FOLH1: variants seen among roughly 807,000 people sequenced by gnomAD.
FOLH1 encodes folate hydrolase 1.
FOLH1 carries 54 observed loss-of-function variants against 93.9 expected under a neutral mutation model. The ratio of observed to expected loss-of-function variants is 0.57; its 90% confidence interval spans 0.46 to 0.72. The LOEUF (loss-of-function observed/expected upper bound fraction) is 0.72, where lower values mean the gene tolerates loss of function less well. Among genes scored for constraint, FOLH1 ranks in the 30% least tolerant of loss-of-function variants. The probability of loss-of-function intolerance (pLI) is 0.00; values close to 1 mark genes in which losing one functional copy is unlikely to be tolerated. For synonymous variants in FOLH1, 249 were observed against 303.6 expected (o/e 0.82, Z 1.87); for missense variants, 571 against 892.5 (o/e 0.64, Z 4.59).
At chr11:49,160,653 A>C (rs1030409117) in intron 13 of FOLH1, among the ~76,000 whole-genome samples, 1 of 152,098 alleles carries the variant, frequency 6.6e-6, no homozygotes, top group African/African-American at 2.4e-5. Flanking sequence ...TGTGTTTGCC[A>C]GGATGGTCTC....
chr11:49,158,777 T>C (rs1857305312), intron 13 of FOLH1, among the ~76,000 whole-genome samples: 1 of 152,206 alleles, frequency 6.6e-6, no homozygotes, highest in Admixed American at 6.5e-5. Context: ...GGAATGTTTT[T>C]TCCATTTGAA....
At chr11:49,178,212 C>A (rs973135237) in intron 7 of FOLH1, among the ~76,000 whole-genome samples, 3 of 152,148 alleles carry the variant, frequency 2.0e-5, no homozygotes, top group African/African-American at 7.2e-5. Context: ...CAGACACTAC[C>A]TCTTCACCAG....
chr11:49,153,390 T>C (rs589736), intron 17 of FOLH1, among the ~76,000 whole-genome samples: 132,226 of 150,138 alleles, frequency 0.88, 58,278 homozygotes, highest in South Asian at 0.95. Flanking sequence ...AGAAATCATG[T>C]TTTGAAAAAT....
chr11:49,202,011 A>C (rs562343577), intron 2 of FOLH1, among the ~76,000 whole-genome samples: 2 of 152,362 alleles, frequency 1.3e-5, no homozygotes, highest in East Asian at 3.9e-4. Context: ...GGAAAAGATT[A>C]GTAGGAGAAA....
chr11:49,165,445 G>A (rs1858269865), intron 12 of FOLH1, among the ~76,000 whole-genome samples: 1 of 152,158 alleles, frequency 6.6e-6, no homozygotes, highest in African/African-American at 2.4e-5. Context: ...CTCAGGAGGG[G>A]GCTGGTGGTT....
intron 7 of FOLH1, among the ~76,000 whole-genome samples, chr11:49,177,600 A>G (rs1425804793): frequency 6.6e-6 from 1 of 152,062 alleles, no homozygotes; most frequent in Non-Finnish European, 1.5e-5. Flanking sequence ...AGCTGCAAAC[A>G]TAGATTAGCA....
chr11:49,193,897 C>T (rs770246465), intron 3 of FOLH1, among the ~76,000 whole-genome samples: 16 of 151,864 alleles, frequency 1.1e-4, no homozygotes, highest in Non-Finnish European at 8.8e-5. Flanking sequence ...AGGTGGCTCA[C>T]GCCTGTAATC....
intron 4 of FOLH1, among the ~76,000 whole-genome samples, chr11:49,191,530 T>C (rs757925904): frequency 5.1e-4 from 78 of 152,352 alleles, no homozygotes; most frequent in Admixed American, 1.8e-3. Context: ...GACAACGGTC[T>C]TTATAACTCT....
intron 11 of FOLH1, among the ~76,000 whole-genome samples, chr11:49,170,830 G>A (rs1439306894): frequency 3.3e-5 from 5 of 152,220 alleles, no homozygotes; most frequent in South Asian, 2.1e-4. Flanking sequence ...CTGTTAAGTC[G>A]TTCATGTTTG....
chr11:49,178,071 T>C (rs1174104318), intron 7 of FOLH1, among the ~76,000 whole-genome samples: 1 of 151,860 alleles, frequency 6.6e-6, no homozygotes, highest in Non-Finnish European at 1.5e-5. Context: ...AACAGAGAAA[T>C]GAGCACTATG....
intron 7 of FOLH1, among the ~76,000 whole-genome samples, chr11:49,180,298 T>C (rs1860570707): frequency 6.6e-6 from 1 of 152,214 alleles, no homozygotes; most frequent in Non-Finnish European, 1.5e-5. Flanking sequence ...ACTGTTGCCG[T>C]TGGCACTATA....
chr11:49,154,997 C>T (rs532359193), intron 15 of FOLH1, among the ~76,000 whole-genome samples: 25 of 151,786 alleles, frequency 1.6e-4, no homozygotes, highest in Non-Finnish European at 2.9e-4. Context: ...AGTAGTGGAT[C>T]CAAAATCTCA....
chr11:49,169,560 G>C (rs1002961642), intron 11 of FOLH1, among the ~76,000 whole-genome samples: 3 of 152,144 alleles, frequency 2.0e-5, no homozygotes, highest in African/African-American at 7.2e-5. Flanking sequence ...CTTTCAAAAA[G>C]TTGTCTTAGC....
At chr11:49,204,684 T>G (rs1289946523) in intron 2 of FOLH1, among the ~76,000 whole-genome samples, 1 of 152,220 alleles carries the variant, frequency 6.6e-6, no homozygotes, top group African/African-American at 2.4e-5. Flanking sequence ...GTATTTATAC[T>G]TTTAATTCTG....
chr11:49,185,565 G>T (rs920225129), intron 6 of FOLH1, 104 bp downstream of exon 6: 15 of 1,367,610 alleles, frequency 1.1e-5, no homozygotes, highest in Middle Eastern at 4.7e-4. Context: ...AATGCAAAGA[G>T]AATAAAAAAA....
intron 4 of FOLH1, 45 bp from the exon 5 acceptor site, chr11:49,186,814 A>C: frequency 6.5e-7 from 1 of 1,543,016 alleles, no homozygotes; most frequent in Non-Finnish European, 8.7e-7. Context: ...ATATAAAACA[A>C]GGAGGTTTTT....
chr11:49,208,065 A>C (rs2135367329), intron 1 of FOLH1: 1 of 632,824 alleles, frequency 1.6e-6, no homozygotes, highest in South Asian at 1.9e-5. Flanking sequence ...TCTACCCTCA[A>C]CCTGAGTGAC....
rs1328240672 is a variant in FOLH1 at position 49,145,647 on chromosome 11, G to A, written c.*1109C>T. On this transcript the variant is annotated 3_prime_UTR_variant, in exon 19 of 19. Transcript: ENST00000256999. ...AACTTTGAGCGAGGCCACAATGTGA[G>A]GGGACTCTTCATTGGCTGCTCCAAA... 3.9e-5 allele frequency among the ~76,000 whole-genome samples: 6 copies of A among 152,148 alleles called. No individual in the cohort carries two copies. The highest frequency in any genetic ancestry group is 2.1e-4 in the South Asian group (1 of 4,832).
chr11:49,183,040 C>T (rs1465915241), intron 7 of FOLH1, 109 bp downstream of exon 7: 48 of 862,464 alleles, frequency 5.6e-5, no homozygotes, highest in Non-Finnish European at 3.8e-5. Flanking sequence ...CAAGCAACAC[C>T]CATGTTGGAA....
Sources: gnomAD v4.1 joint callset for allele counts (sites outside exome capture counted in the v4.1 genomes callset) on GRCh38, gnomAD v4.1.1 for gene constraint, MANE v1.5 for transcripts, NCBI Gene and HGNC (gene_info 2026-07-23, HGNC 2026-07-21) for gene names.